The following MAP3K5 variants were observed in gnomAD, a reference collection of about 807,000 sequenced individuals.
The protein encoded by MAP3K5 is ASK-1.
In MAP3K5, 56 loss-of-function variants were observed where a neutral mutation model predicts 158.7. The observed-to-expected ratio is 0.35, with a 90% CI of 0.28 to 0.44. The LOEUF is 0.44. MAP3K5 is among the 20% of genes least tolerant of loss of function. The pLI is 1.00. For synonymous variants in MAP3K5, 579 were observed against 601.7 expected, an observed-to-expected ratio of 0.96 and a Z score of 0.55; for missense variants, 1,294 against 1,674.8, an observed-to-expected ratio of 0.77 and a Z score of 3.97.
chr6:136,564,508 A>G (rs538927842), intron 26 of MAP3K5, among the ~76,000 whole-genome samples: 2 of 152,210 alleles, frequency 1.3e-5, no homozygotes, highest in African/African-American at 4.8e-5. Flanking sequence ...ATCCAAAGAA[A>G]TGGGCAGGAA....
At chr6:136,601,777 T>C in intron 20 of MAP3K5, 25 bp downstream of exon 20, 1 of 1,611,572 alleles carries the variant, frequency 6.2e-7, no homozygotes, top group Non-Finnish European at 8.5e-7. Context: ...ACTCAGACTA[T>C]ATCCTCTTCA....
At chr6:136,749,419 G>A (rs1783098566) in intron 1 of MAP3K5, among the ~76,000 whole-genome samples, 2 of 151,184 alleles carry the variant, frequency 1.3e-5, no homozygotes, top group Non-Finnish European at 1.5e-5. Flanking sequence ...TAGGGTGCGT[G>A]AAGGTCGCCA....
rs114411523 is a variant in MAP3K5, at chr6:136,682,419, G to A, written c.1253+11721C>T. Among the ~76,000 whole-genome samples, 1,232 of 152,256 alleles carry A rather than the reference G, an allele frequency of 8.1e-3. 19 individuals carry two copies. The highest frequency in any genetic ancestry group is 0.027 in the African/African-American group (1,132 of 41,558). ...TCTGGCAAATGGAAAATTGACATTG[G>A]TCTTTATTTGTCTGTTGATTAGTTT... On this transcript the variant is annotated intron_variant, in intron 7 of 29. Transcript: ENST00000359015.
At chr6:136,741,655 G>GA (rs1009363760) in intron 1 of MAP3K5, among the ~76,000 whole-genome samples, 3 of 151,770 alleles carry the variant, frequency 2.0e-5, no homozygotes, top group African/African-American at 4.8e-5. Flanking sequence ...AATAAAATGA[G>GA]AAAAAAATAA....
chr6:136,611,257 C>A, intron 18 of MAP3K5, 25 bp downstream of exon 18: 1 of 1,394,114 alleles, frequency 7.2e-7, no homozygotes, highest in Non-Finnish European at 1.0e-6. Flanking sequence ...TACATAAGAT[C>A]TGTATCATCA....
chr6:136,642,672 T>G, intron 11 of MAP3K5, 103 bp from the exon 12 acceptor site: 2 of 751,622 alleles, frequency 2.7e-6, no homozygotes, highest in Non-Finnish European at 4.6e-6. Context: ...ACAGCCATTT[T>G]TCCTGGTACA....
chr6:136,761,870 G>A (rs1256703439), intron 1 of MAP3K5, among the ~76,000 whole-genome samples: 1 of 152,152 alleles, frequency 6.6e-6, no homozygotes, highest in African/African-American at 2.4e-5. Flanking sequence ...AGGGAAGAAG[G>A]GAAAGCCACT....
At chr6:136,734,858 C>G (rs902292847) in intron 1 of MAP3K5, among the ~76,000 whole-genome samples, 4 of 152,154 alleles carry the variant, frequency 2.6e-5, no homozygotes, top group Non-Finnish European at 5.9e-5. Context: ...CCCTCACAAC[C>G]CAAACCAATA....
intron 1 of MAP3K5, among the ~76,000 whole-genome samples, chr6:136,747,530 C>A (rs929619449): frequency 1.1e-4 from 16 of 152,196 alleles, no homozygotes; most frequent in Admixed American, 8.5e-4. Context: ...AAATGTACAG[C>A]AAAGGCTGAG....
chr6:136,715,628 C>A (rs190738324), intron 2 of MAP3K5, among the ~76,000 whole-genome samples: 2 of 152,266 alleles, frequency 1.3e-5, no homozygotes, highest in East Asian at 3.9e-4. Context: ...TGGTATGATA[C>A]TGTACACAAG....
chr6:136,590,923 C>T (rs113355469), intron 23 of MAP3K5, among the ~76,000 whole-genome samples: 7,490 of 152,180 alleles, frequency 0.049, 621 homozygotes, highest in African/African-American at 0.17. Flanking sequence ...ACCCAAATCT[C>T]ATCTTGAATT....
Position 136,737,025 on chromosome 6 carries a change from ATATATGTGTGTG to A in MAP3K5, c.449-16448_449-16437del, listed in dbSNP as rs1390993471. Among the ~76,000 whole-genome samples the A allele has an allele frequency of 2.4e-5, 3 of 125,242 alleles. 1 individual carries two copies. The highest frequency in any genetic ancestry group is 4.9e-4 in the East Asian group (2 of 4,094). 82.2% of individuals were successfully genotyped at this position (125,242 alleles called of 152,430 possible). On this transcript the variant is annotated intron_variant, in intron 1 of 29. Transcript: ENST00000359015. ...AATGTGACAAATTAATTTTACATAT[ATATATGTGTGTG>A]TATATATATATATATATATAAACTT...
chr6:136,712,338 A>C (rs1334318420), intron 2 of MAP3K5, among the ~76,000 whole-genome samples: 1 of 151,760 alleles, frequency 6.6e-6, no homozygotes, highest in East Asian at 1.9e-4. Flanking sequence ...ACGTACCACC[A>C]TGACCAGCTA....
At chr6:136,733,678 G>A (rs1168380588) in intron 1 of MAP3K5, among the ~76,000 whole-genome samples, 2 of 151,826 alleles carry the variant, frequency 1.3e-5, no homozygotes, top group Admixed American at 6.6e-5. Context: ...AAAATTGAGA[G>A]GAAGGTACAA....
intron 9 of MAP3K5, among the ~76,000 whole-genome samples, chr6:136,658,072 G>C (rs1778828994): frequency 6.6e-6 from 1 of 152,102 alleles, no homozygotes; most frequent in Non-Finnish European, 1.5e-5. Context: ...TTGGCTAAAG[G>C]AGACCTGAAC....
intron 1 of MAP3K5, among the ~76,000 whole-genome samples, chr6:136,747,492 G>A (rs1033790740): frequency 1.3e-5 from 2 of 152,302 alleles, no homozygotes; most frequent in Middle Eastern, 3.4e-3. Flanking sequence ...CAACAGAACC[G>A]AAAACCCACC....
intron 7 of MAP3K5, among the ~76,000 whole-genome samples, chr6:136,669,853 T>C (rs952193177): frequency 6.6e-6 from 1 of 151,834 alleles, no homozygotes; most frequent in Admixed American, 6.6e-5. Context: ...CCAAGTAAAA[T>C]GTAGTCGTCT....
At chr6:136,604,957 T>C (rs1340419507) in intron 19 of MAP3K5, among the ~76,000 whole-genome samples, 6 of 152,190 alleles carry the variant, frequency 3.9e-5, no homozygotes, top group African/African-American at 1.4e-4. Flanking sequence ...TTATACTGCG[T>C]TGTTAAAAGG....
intron 1 of MAP3K5, among the ~76,000 whole-genome samples, chr6:136,730,890 G>C (rs760412527): frequency 1.3e-5 from 2 of 152,176 alleles, no homozygotes; most frequent in Non-Finnish European, 2.9e-5. Flanking sequence ...CTCATGTAAT[G>C]AATGTTCATA....
Sources: gnomAD v4.1 joint callset for allele counts (sites outside exome capture counted in the v4.1 genomes callset) on GRCh38, gnomAD v4.1.1 for gene constraint, MANE v1.5 for transcripts, NCBI Gene and HGNC (gene_info 2026-07-23, HGNC 2026-07-21) for gene names.